Variants in ABHD2 observed in about 807,000 individuals in gnomAD.
ABHD2 encodes the protein abhydrolase domain containing 2, acylglycerol lipase.
Under a neutral mutation model 48.1 loss-of-function variants are expected in ABHD2, and 20 were observed. That is an observed-to-expected ratio of 0.42 (90% CI 0.29 to 0.60). ABHD2 has a LOEUF of 0.60. ABHD2 is among the 20% of genes least tolerant of loss of function. The pLI is 0.24. For synonymous variants in ABHD2, 209 were observed against 214.2 expected, an observed-to-expected ratio of 0.98 and a Z score of 0.21; for missense variants, 405 against 550.9, an observed-to-expected ratio of 0.74 and a Z score of 2.65.
At chr15:89,193,692 G>A (rs1045880099) in intron 10 of ABHD2, among the ~76,000 whole-genome samples, 6 of 152,208 alleles carry the variant, frequency 3.9e-5, no homozygotes, top group African/African-American at 1.4e-4. Context: ...GCTCACACCT[G>A]TAATCCTAGC....
At chr15:89,055,323 C>CTTT in the ABHD2 span, among the ~76,000 whole-genome samples, 26 of 124,784 alleles carry the variant, frequency 2.1e-4, no homozygotes, top group African/African-American at 3.9e-4. Context: ...ACACTAGTTT[C>CTTT]TTTTTTTTTT....
intron 1 of ABHD2, among the ~76,000 whole-genome samples, chr15:89,112,040 CAT>C (rs2049883957): frequency 6.6e-6 from 1 of 152,046 alleles, no homozygotes; most frequent in Admixed American, 6.6e-5. Context: ...CCAAAGGTTG[CAT>C]ATTCAGATGC....
intron 5 of ABHD2, among the ~76,000 whole-genome samples, chr15:89,162,710 T>C (rs1413220045): frequency 6.6e-6 from 1 of 152,038 alleles, no homozygotes; most frequent in Non-Finnish European, 1.5e-5. Context: ...ACCCCAGTCA[T>C]TATCTAATGC....
chr15:89,142,058 G>A (rs912521637), intron 3 of ABHD2, among the ~76,000 whole-genome samples: 1 of 152,182 alleles, frequency 6.6e-6, no homozygotes. Flanking sequence ...TCCTTATCAT[G>A]TTTGTTTTAT....
chr15:89,051,105 C>T, the ABHD2 span, among the ~76,000 whole-genome samples: 471 of 152,138 alleles, frequency 3.1e-3, no homozygotes, highest in African/African-American at 0.011. Flanking sequence ...TGGTGGTGCG[C>T]GCCTGTAATC....
At chr15:89,157,914 T>A (rs556168392) in intron 5 of ABHD2, among the ~76,000 whole-genome samples, 1 of 151,774 alleles carries the variant, frequency 6.6e-6, no homozygotes, top group East Asian at 1.9e-4. Flanking sequence ...GGGTGAATAG[T>A]GAGTATGTGG....
chr15:89,043,420 T>C, the ABHD2 span, among the ~76,000 whole-genome samples: 1 of 148,460 alleles, frequency 6.7e-6, no homozygotes, highest in African/African-American at 2.5e-5. Context: ...ATCAAGACCC[T>C]ATCTCTTTTT....
intron 3 of ABHD2, among the ~76,000 whole-genome samples, chr15:89,138,874 T>G (rs1166324188): frequency 7.1e-6 from 1 of 140,034 alleles, no homozygotes. Flanking sequence ...TTCTTTTTTT[T>G]TCCTCATTTT....
the ABHD2 span, among the ~76,000 whole-genome samples, chr15:89,048,023 G>A: frequency 6.6e-6 from 1 of 151,630 alleles, no homozygotes; most frequent in Admixed American, 6.6e-5. Flanking sequence ...GCATGATTTT[G>A]CAGCAGCTGG....
the ABHD2 span, among the ~76,000 whole-genome samples, chr15:89,053,891 C>T: frequency 0.17 from 25,660 of 152,182 alleles, 2,321 homozygotes; most frequent in Admixed American, 0.19. Flanking sequence ...GCCTCCCGGA[C>T]GCCTCACCTC....
At chr15:89,141,506 G>A (rs564401949) in intron 3 of ABHD2, among the ~76,000 whole-genome samples, 3 of 152,158 alleles carry the variant, frequency 2.0e-5, no homozygotes, top group East Asian at 1.9e-4. Flanking sequence ...GGTGGCGTGC[G>A]CCTGTAACCC....
chr15:89,155,685 G>C lies in ABHD2; in HGVS notation c.538+151G>C. 2 of 962,928 alleles carry C rather than the reference G, an allele frequency of 2.1e-6. No homozygotes were observed. The highest frequency in any genetic ancestry group is 3.0e-6 in the Non-Finnish European group (2 of 663,624). The allele number at this position is 962,928 out of a possible 1,614,324, so 59.6% of individuals were successfully genotyped here. A position where few individuals can be genotyped will look rare whatever the true frequency, so the allele number is the denominator to read the frequency against. On this transcript the variant is annotated intron_variant, in intron 5 of 10. Transcript: ENST00000352732. This position sits in a 1 kb window ranked among gnomAD's most constrained non-coding sequence, Gnocchi z 4.9. ...GTTATATCAACAGCCAACTTGTACT[G>C]GGCATTGATGATGCCATGCCTCACA...
rs1048247053 is a variant in ABHD2 at position 89,151,657 on chromosome 15, C to T, written c.195-20C>T. On this transcript the variant is annotated intron_variant, in intron 3 of 10. Coordinates refer to ENST00000352732, the MANE Select transcript of ABHD2 (RefSeq NM_152924.5). This position sits in a 1 kb window ranked among gnomAD's most constrained non-coding sequence, Gnocchi z 4.7. ...CTCAAGGAATGTAGAGAAAATTGAC[C>T]TCCCTTGTCCTTTCTTTAGATACAT... is the stretch of plus-strand genomic sequence containing the variant. The T allele has an allele frequency of 2.9e-5, 45 of 1,578,892 alleles. No homozygotes were observed. The highest frequency in any genetic ancestry group is 3.7e-5 in the Non-Finnish European group (43 of 1,160,070).
chr15:89,075,887 C>T, the ABHD2 span, among the ~76,000 whole-genome samples: 1 of 152,172 alleles, frequency 6.6e-6, no homozygotes, highest in Non-Finnish European at 1.5e-5. The surrounding 1 kb of genome is among the most constrained non-coding windows in gnomAD (Gnocchi z 4.1). Context: ...GGCCTGGCCA[C>T]CAGAGTCCCA....
rs966958910 is a variant in ABHD2 at position 89,177,202 on chromosome 15, A to C, written c.722+1207A>C. Among the ~76,000 whole-genome samples, 1 of 152,248 alleles carries C rather than the reference A, an allele frequency of 6.6e-6. No homozygotes were observed. The highest frequency in any genetic ancestry group is 2.4e-5 in the African/African-American group (1 of 41,460). Reference sequence around the variant, plus strand: ...CAATATGGGGATGATGATGATAAGCAGTACCTACCTCATAGCACCGCTGAG... The same window carrying C: ...CAATATGGGGATGATGATGATAAGCCGTACCTACCTCATAGCACCGCTGAG... On this transcript the variant is annotated intron_variant, in intron 6 of 10. Transcript: ENST00000352732. The surrounding 1 kb of genome is among the most constrained non-coding windows in gnomAD (Gnocchi z 5.6).
chr15:89,061,543 A>G, the ABHD2 span, among the ~76,000 whole-genome samples: 9 of 152,052 alleles, frequency 5.9e-5, no homozygotes, highest in African/African-American at 2.2e-4. Flanking sequence ...CCGCACATAT[A>G]CCTCCTGAAT....
chr15:89,069,860 A>G, the ABHD2 span, among the ~76,000 whole-genome samples: 62 of 151,712 alleles, frequency 4.1e-4, no homozygotes, highest in African/African-American at 1.5e-3. Context: ...TTGTATTTTT[A>G]GTAGAGACAG....
At chr15:89,055,532 A>C in the ABHD2 span, among the ~76,000 whole-genome samples, 1 of 151,908 alleles carries the variant, frequency 6.6e-6, no homozygotes, top group Non-Finnish European at 1.5e-5. Context: ...ATGAGATTTC[A>C]CCATGTTGCC....
At chr15:89,158,937 T>C (rs1202406511) in intron 5 of ABHD2, among the ~76,000 whole-genome samples, 1 of 151,832 alleles carries the variant, frequency 6.6e-6, no homozygotes, top group Non-Finnish European at 1.5e-5. Context: ...GTGCTGGGAT[T>C]ACAGATGTGA....
Sources: allele counts gnomAD v4.1 joint callset (sites outside exome capture counted in the v4.1 genomes callset), GRCh38; gene constraint gnomAD v4.1.1; non-coding constraint Gnocchi (gnomAD v3.1); transcripts MANE v1.5; gene names NCBI Gene and HGNC (gene_info 2026-07-23, HGNC 2026-07-21).